Variants in BMPR1B observed in about 807,000 individuals in gnomAD.
The protein encoded by BMPR1B is bone morphogenetic protein receptor type 1B.
BMPR1B carries 12 observed loss-of-function variants against 59.1 expected under a neutral mutation model. The observed-to-expected ratio is 0.20, with a 90% CI of 0.13 to 0.33. The LOEUF (loss-of-function observed/expected upper bound fraction) is 0.33, where lower values mean the gene tolerates loss of function less well. BMPR1B is among the 10% of genes least tolerant of loss of function. The pLI is 1.00. For missense variants in BMPR1B, 550 were observed against 610.9 expected, an observed-to-expected ratio of 0.90 and a Z score of 1.05; for synonymous variants, 237 against 207.3, an observed-to-expected ratio of 1.14 and a Z score of -1.23.
intron 3 of BMPR1B, among the ~76,000 whole-genome samples, chr4:95,060,026 G>C (rs1011977523): frequency 3.3e-5 from 5 of 152,168 alleles, no homozygotes; most frequent in Admixed American, 6.5e-5. Flanking sequence ...CAAATTAGCT[G>C]GTGAGCAGTA....
intron 3 of BMPR1B, among the ~76,000 whole-genome samples, chr4:95,055,624 G>C (rs547142142): frequency 1.3e-5 from 2 of 152,244 alleles, no homozygotes; most frequent in African/African-American, 4.8e-5. Flanking sequence ...TTTGATCTCT[G>C]GTAATTTACC....
intron 1 of BMPR1B, among the ~76,000 whole-genome samples, chr4:94,856,110 A>G (rs1233667721): frequency 1.3e-5 from 2 of 151,484 alleles, no homozygotes; most frequent in Non-Finnish European, 2.9e-5. Flanking sequence ...TGGCCTGGGG[A>G]AAAAAACAGA....
chr4:95,102,478 G>A (rs188046463), intron 3 of BMPR1B, among the ~76,000 whole-genome samples: 3 of 152,250 alleles, frequency 2.0e-5, no homozygotes, highest in Admixed American at 2.0e-4. Flanking sequence ...AAAAATAAAG[G>A]GTCTGGTATG....
At chr4:94,910,061 A>G (rs116359457) in intron 2 of BMPR1B, among the ~76,000 whole-genome samples, 1 of 152,128 alleles carries the variant, frequency 6.6e-6, no homozygotes, top group Non-Finnish European at 1.5e-5. Flanking sequence ...AAACAAAAAA[A>G]AAGAGCCTTT....
At chr4:95,063,232 G>A (rs562999991) in intron 3 of BMPR1B, among the ~76,000 whole-genome samples, 1 of 152,198 alleles carries the variant, frequency 6.6e-6, no homozygotes, top group South Asian at 2.1e-4. Context: ...TTCCATTTGT[G>A]GTTTTACAAT....
At position 95,125,017 on chromosome 4, in the gene BMPR1B, A is replaced by G; in HGVS notation, c.481A>G (p.Ile161Val). The G allele has an allele frequency of 6.2e-7, 1 of 1,613,562 alleles. No individual in the cohort carries two copies. The highest frequency in any genetic ancestry group is 1.1e-5 in the South Asian group (1 of 91,068). Residue 161 changes from isoleucine to valine, a missense_variant, in exon 8 of 13, where the codon ATT becomes GTT. By Grantham distance (29) the Ile-to-Val change is conservative. Transcript: ENST00000515059. The part of the protein sequence containing the change: ...KRQETRPRYS[I>V]GLEQDETYIP... The stretch of plus-strand genomic sequence containing the variant: ...ACAAGAAACCAGACCTCGATACAGC[A>G]TTGGGTTAGAACAGGATGAAACTTA...
At chr4:94,986,193 C>T (rs780921248) in intron 2 of BMPR1B, among the ~76,000 whole-genome samples, 10 of 152,046 alleles carry the variant, frequency 6.6e-5, no homozygotes, top group South Asian at 4.2e-4. Flanking sequence ...AACATTATTT[C>T]GTCTCTTTAT....
intron 1 of BMPR1B, among the ~76,000 whole-genome samples, chr4:94,776,014 C>G (rs771251887): frequency 1.3e-5 from 2 of 150,246 alleles, no homozygotes; most frequent in Non-Finnish European, 2.9e-5. Flanking sequence ...TGGCATGAAC[C>G]TGGGAGGTGG....
At chr4:94,804,610 G>A (rs998979902) in intron 1 of BMPR1B, among the ~76,000 whole-genome samples, 1 of 24,462 alleles carries the variant, frequency 4.1e-5, no homozygotes, top group Non-Finnish European at 8.6e-5. Flanking sequence ...TTTTTTTTTT[G>A]CCAAGGACCA....
chr4:94,807,430 G>C (rs1723645914), intron 1 of BMPR1B, among the ~76,000 whole-genome samples: 1 of 152,038 alleles, frequency 6.6e-6, no homozygotes, highest in South Asian at 2.1e-4. Context: ...TGGGTTTTGG[G>C]GGAGAGGTGT....
chr4:95,084,198 T>G (rs920149024), intron 3 of BMPR1B, among the ~76,000 whole-genome samples: 1 of 151,314 alleles, frequency 6.6e-6, no homozygotes, highest in Non-Finnish European at 1.5e-5. Context: ...ACTTATGATA[T>G]ATATCTTTAT....
chr4:95,056,657 A>C (rs896769387), intron 3 of BMPR1B, among the ~76,000 whole-genome samples: 19 of 152,084 alleles, frequency 1.2e-4, no homozygotes, highest in Non-Finnish European at 2.4e-4. Flanking sequence ...TCTTTAATGG[A>C]CGCTCCTTGT....
chr4:94,940,162 C>T (rs1729454911), intron 2 of BMPR1B, among the ~76,000 whole-genome samples: 1 of 152,214 alleles, frequency 6.6e-6, no homozygotes, highest in Non-Finnish European at 1.5e-5. Flanking sequence ...ATTTCTTCAT[C>T]TGACTTCTTG....
At chr4:94,975,714 A>G (rs1731007503) in intron 2 of BMPR1B, among the ~76,000 whole-genome samples, 1 of 152,188 alleles carries the variant, frequency 6.6e-6, no homozygotes, top group Non-Finnish European at 1.5e-5. Flanking sequence ...ATGATATTAT[A>G]ATACCTAACC....
chr4:94,805,975 A>G (rs1723591567), intron 1 of BMPR1B, among the ~76,000 whole-genome samples: 1 of 152,214 alleles, frequency 6.6e-6, no homozygotes, highest in Non-Finnish European at 1.5e-5. Context: ...AGAAACTCCC[A>G]ATTTCCTTAA....
intron 2 of BMPR1B, among the ~76,000 whole-genome samples, chr4:94,946,896 C>CA (rs879020476): frequency 6.6e-6 from 1 of 151,906 alleles, no homozygotes; most frequent in Non-Finnish European, 1.5e-5. Flanking sequence ...ACCAAAAATA[C>CA]AAAAAATTAG....
chr4:94,818,072 T>G (rs574737568), intron 1 of BMPR1B, among the ~76,000 whole-genome samples: 4 of 152,316 alleles, frequency 2.6e-5, no homozygotes, highest in South Asian at 2.1e-4. Flanking sequence ...TAACCCAGGT[T>G]TGAGGGCCAG....
At chr4:94,814,021 T>C (rs140170312) in intron 1 of BMPR1B, among the ~76,000 whole-genome samples, 48 of 152,316 alleles carry the variant, frequency 3.2e-4, no homozygotes, top group Non-Finnish European at 5.4e-4. Context: ...GGCAGCTGTA[T>C]ATACAAGTCG....
At chr4:94,830,183 A>G (rs1724525418) in intron 1 of BMPR1B, among the ~76,000 whole-genome samples, 1 of 152,102 alleles carries the variant, frequency 6.6e-6, no homozygotes, top group Non-Finnish European at 1.5e-5. Context: ...ATAATAAACT[A>G]TTTTTTGGAC....
Sources: gnomAD v4.1 joint callset for allele counts (sites outside exome capture counted in the v4.1 genomes callset) on GRCh38, gnomAD v4.1.1 for gene constraint, MANE v1.5 for transcripts, NCBI Gene and HGNC (gene_info 2026-07-23, HGNC 2026-07-21) for gene names.